DCDC2: variants seen among roughly 807,000 people sequenced by gnomAD.
The protein encoded by DCDC2 is doublecortin domain-containing protein 2.
In DCDC2, 40 loss-of-function variants were observed where a neutral mutation model predicts 50.2. The observed-to-expected ratio is 0.80, with a 90% CI of 0.62 to 1.04. DCDC2 has a LOEUF of 1.04. Among genes scored for constraint, DCDC2 ranks in the 50% least tolerant of loss-of-function variants. The probability of loss-of-function intolerance (pLI) is 0.00; values close to 1 mark genes in which losing one functional copy is unlikely to be tolerated. For synonymous variants in DCDC2, 234 were observed against 210.6 expected, an observed-to-expected ratio of 1.11 and a Z score of -0.96; for missense variants, 570 against 581.9, an observed-to-expected ratio of 0.98 and a Z score of 0.21.
the DCDC2 span, among the ~76,000 whole-genome samples, chr6:24,368,594 C>T: frequency 6.6e-6 from 1 of 151,304 alleles, no homozygotes; most frequent in Non-Finnish European, 1.5e-5. Flanking sequence ...TTGTGCCTGG[C>T]AAAATTATCT....
intron 7 of DCDC2, among the ~76,000 whole-genome samples, chr6:24,223,859 T>C (rs563122550): frequency 1.8e-4 from 28 of 152,352 alleles, no homozygotes; most frequent in African/African-American, 6.5e-4. Flanking sequence ...TCTATGACCA[T>C]TACATATCTG....
intron 2 of DCDC2, among the ~76,000 whole-genome samples, chr6:24,324,310 C>G (rs1276158832): frequency 6.6e-6 from 1 of 152,154 alleles, no homozygotes; most frequent in African/African-American, 2.4e-5. Flanking sequence ...CCACTGTAAG[C>G]TAATCTCTAT....
the DCDC2 span, among the ~76,000 whole-genome samples, chr6:24,380,563 C>G: frequency 2.6e-5 from 4 of 152,182 alleles, no homozygotes; most frequent in Non-Finnish European, 5.9e-5. Flanking sequence ...CAATGATCAT[C>G]AACTCATTCA....
chr6:24,271,000 T>C (rs571061939), intron 7 of DCDC2, among the ~76,000 whole-genome samples: 1 of 151,768 alleles, frequency 6.6e-6, no homozygotes, highest in Non-Finnish European at 1.5e-5. Flanking sequence ...GGCAGGCAGA[T>C]CACTTGAGCT....
intron 2 of DCDC2, among the ~76,000 whole-genome samples, chr6:24,324,824 A>G (rs886549560): frequency 2.0e-5 from 3 of 151,984 alleles, no homozygotes; most frequent in African/African-American, 7.2e-5. Flanking sequence ...TCAAGGCCAC[A>G]GTAAGCTATG....
the DCDC2 span, among the ~76,000 whole-genome samples, chr6:24,364,524 T>A: frequency 5.4e-4 from 83 of 152,334 alleles, no homozygotes; most frequent in South Asian, 0.016. Flanking sequence ...GTTAAATGTT[T>A]ATATGTATAA....
intron 8 of DCDC2, among the ~76,000 whole-genome samples, chr6:24,183,038 C>T (rs6923999): frequency 0.21 from 32,569 of 152,010 alleles, 4,290 homozygotes; most frequent in East Asian, 0.39. Flanking sequence ...TGAAATAAGC[C>T]AGTCACACAA....
chr6:24,289,075 C>T (rs1207867405), intron 5 of DCDC2, among the ~76,000 whole-genome samples, 169 bp from the exon 6 acceptor site: 1 of 152,210 alleles, frequency 6.6e-6, no homozygotes, highest in East Asian at 1.9e-4. Context: ...AAGATCATAA[C>T]ATTTCCAAAT....
the DCDC2 span, among the ~76,000 whole-genome samples, chr6:24,380,654 G>A: frequency 6.6e-6 from 1 of 152,120 alleles, no homozygotes; most frequent in African/African-American, 2.4e-5. Context: ...GCTAGTTTCT[G>A]GAAGCTGAAG....
chr6:24,381,799 AAAGAAAGGAAGGAAGGAAGGAAGG>A, the DCDC2 span, among the ~76,000 whole-genome samples: 1 of 88,122 alleles, frequency 1.1e-5, no homozygotes, highest in Non-Finnish European at 2.3e-5. Context: ...GAAAGGAAGG[AAAGAAAGGAAGGAAGGAAGGAAGG>A]AAGGAAGGAA....
rs546545693 is a variant in DCDC2, at chr6:24,247,194, G to A, written c.922+30855C>T. On this transcript the variant is annotated intron_variant, in intron 7 of 9. Transcript: ENST00000378454. The stretch of plus-strand genomic sequence containing the variant: ...ATCAAAGGACTGCTTGAGCCCAGGA[G>A]TTTGAGGCTGCAGTGTAGCGGTTAA... 3.3e-5 allele frequency among the ~76,000 whole-genome samples: 5 copies of A among 152,306 alleles called. No individual in the cohort carries two copies. In the South Asian group the frequency reaches 6.2e-4, roughly 19 times the overall value.
At chr6:24,196,608 G>A (rs1761448448) in intron 8 of DCDC2, among the ~76,000 whole-genome samples, 2 of 152,092 alleles carry the variant, frequency 1.3e-5, no homozygotes, top group African/African-American at 4.8e-5. Context: ...TTTCAGTAGA[G>A]ACCAGGTTTC....
intron 2 of DCDC2, among the ~76,000 whole-genome samples, chr6:24,345,276 C>A (rs868786949): frequency 1.3e-5 from 2 of 152,080 alleles, no homozygotes; most frequent in African/African-American, 4.8e-5. Context: ...CGTTCCCAAC[C>A]AAAGCCTTTA....
chr6:24,287,074 C>T (rs1302602762), intron 6 of DCDC2, among the ~76,000 whole-genome samples: 1 of 152,202 alleles, frequency 6.6e-6, no homozygotes, highest in African/African-American at 2.4e-5. Flanking sequence ...TTAATATTCT[C>T]ACCTCTCAGA....
chr6:24,203,942 C>T (rs1270057197), intron 8 of DCDC2, among the ~76,000 whole-genome samples: 1 of 152,102 alleles, frequency 6.6e-6, no homozygotes, highest in African/African-American at 2.4e-5. Flanking sequence ...AATGCGATAC[C>T]ATCTCATGCC....
intron 7 of DCDC2, among the ~76,000 whole-genome samples, chr6:24,230,203 C>T (rs1207503665): frequency 2.0e-5 from 3 of 152,196 alleles, no homozygotes; most frequent in African/African-American, 7.2e-5. Flanking sequence ...GCCAAAATCA[C>T]TGGTCTCATA....
chr6:24,329,674 C>A (rs1759933280), intron 2 of DCDC2, among the ~76,000 whole-genome samples: 1 of 151,112 alleles, frequency 6.6e-6, no homozygotes, highest in Non-Finnish European at 1.5e-5. Flanking sequence ...GCCTAGCTTG[C>A]TTTGTGCCTT....
Position 24,357,930 on chromosome 6 carries a change from C to G in DCDC2, c.-180G>C, listed in dbSNP as rs763209654. ...CCTAGGCGTCCACCCAGAGGAGACA[C>G]TAGGAGCTTGCAGGACTCGGAGTAG... On this transcript the variant is annotated 5_prime_UTR_variant, in exon 1 of 10. Transcript: ENST00000378454. 3 of 1,515,268 alleles carry G rather than the reference C, an allele frequency of 2.0e-6. No individual in the cohort carries two copies. The highest frequency in any genetic ancestry group is 1.8e-4 in the Middle Eastern group (1 of 5,596). The allele number at this position is 1,515,268 out of a possible 1,614,324, so 93.9% of individuals were successfully genotyped here.
intron 8 of DCDC2, among the ~76,000 whole-genome samples, chr6:24,189,584 T>A (rs1489260475): frequency 6.6e-6 from 1 of 152,190 alleles, no homozygotes; most frequent in Non-Finnish European, 1.5e-5. Context: ...TATATTTACA[T>A]CAGAATTCCT....
Sources: allele counts gnomAD v4.1 joint callset (sites outside exome capture counted in the v4.1 genomes callset), GRCh38; gene constraint gnomAD v4.1.1; transcripts MANE v1.5; gene names NCBI Gene and HGNC (gene_info 2026-07-23, HGNC 2026-07-21).